CPAP: variants seen among roughly 807,000 people sequenced by gnomAD.
The protein encoded by CPAP is centrosome assembly and centriole elongation protein.
At chr13:24,906,921 G>A in the CPAP span, 1 of 1,613,996 alleles carries the variant, frequency 6.2e-7, no homozygotes, top group South Asian at 1.1e-5. Flanking sequence ...AAAAATGGTT[G>A]TTTTGGTTTT....
the CPAP span, chr13:24,905,869 CCTCT>C: frequency 1.2e-6 from 2 of 1,614,128 alleles, no homozygotes; most frequent in Non-Finnish European, 1.7e-6. Flanking sequence ...TGCTGATGCC[CCTCT>C]CTCTATCCTC....
chr13:24,883,380 T>TA, the CPAP span: 94 of 1,563,916 alleles, frequency 6.0e-5, no homozygotes, highest in East Asian at 6.1e-4. Context: ...CTGTAAAATT[T>TA]AAAAAAAATA....
chr13:24,928,259 T>C, the CPAP span, among the ~76,000 whole-genome samples: 1 of 152,078 alleles, frequency 6.6e-6, no homozygotes, highest in Non-Finnish European at 1.5e-5. Flanking sequence ...ACCTGGCAGA[T>C]CCCCAAGCCC....
chr13:24,912,741 G>A, the CPAP span: 1 of 1,614,122 alleles, frequency 6.2e-7, no homozygotes, highest in Non-Finnish European at 8.5e-7. Flanking sequence ...AGGCTGTATG[G>A]GTTTCAGATT....
chr13:24,900,278 C>T, the CPAP span, among the ~76,000 whole-genome samples: 1 of 152,114 alleles, frequency 6.6e-6, no homozygotes, highest in Non-Finnish European at 1.5e-5. Flanking sequence ...AAAGAACAGC[C>T]AGGAGGCCAG....
chr13:24,896,365 A>C, the CPAP span, among the ~76,000 whole-genome samples: 1 of 152,260 alleles, frequency 6.6e-6, no homozygotes, highest in Non-Finnish European at 1.5e-5. Flanking sequence ...AGCTGCCAGC[A>C]GTGAGGATGT....
At chr13:24,884,425 CAG>C in the CPAP span, 1 of 1,614,060 alleles carries the variant, frequency 6.2e-7, no homozygotes, top group Non-Finnish European at 8.5e-7. Flanking sequence ...CATTGGGAAA[CAG>C]TATAACACGG....
chr13:24,907,158 G>A, the CPAP span: 1 of 1,613,786 alleles, frequency 6.2e-7, no homozygotes. Flanking sequence ...ATCTTCAAAG[G>A]TCTGTTTCCT....
chr13:24,889,576 TGTGCACACACACGCACGCGC>T, the CPAP span, among the ~76,000 whole-genome samples: 2 of 93,232 alleles, frequency 2.1e-5, no homozygotes, highest in Non-Finnish European at 5.9e-5. Context: ...TCACTGCGCG[TGTGCACACACACGCACGCGC>T]GCCCCTTTTG....
chr13:24,898,824 T>C, the CPAP span, among the ~76,000 whole-genome samples: 2 of 152,228 alleles, frequency 1.3e-5, no homozygotes, highest in African/African-American at 4.8e-5. Flanking sequence ...ATTTTAAATT[T>C]CTCTTTTGAT....
the CPAP span, among the ~76,000 whole-genome samples, chr13:24,891,779 A>G: frequency 6.6e-6 from 1 of 152,228 alleles, no homozygotes; most frequent in African/African-American, 2.4e-5. Context: ...GCCCATGTGC[A>G]TGCTGCCATC....
the CPAP span, among the ~76,000 whole-genome samples, chr13:24,923,213 A>G: frequency 1.3e-5 from 2 of 151,124 alleles, no homozygotes; most frequent in African/African-American, 2.4e-5. Context: ...ATAGAGCCCA[A>G]CCGACGCTTA....
the CPAP span, chr13:24,884,345 T>C: frequency 6.2e-7 from 1 of 1,614,200 alleles, no homozygotes; most frequent in East Asian, 2.2e-5. Flanking sequence ...TGGCATGACC[T>C]GCTTCACGTC....
chr13:24,899,627 A>G, the CPAP span: 10 of 1,532,328 alleles, frequency 6.5e-6, no homozygotes, highest in South Asian at 1.1e-4. Flanking sequence ...AGACCATCTC[A>G]GTGCAGTGAT....
At chr13:24,887,592 G>C in the CPAP span, among the ~76,000 whole-genome samples, 2 of 152,110 alleles carry the variant, frequency 1.3e-5, no homozygotes, top group Non-Finnish European at 2.9e-5. Flanking sequence ...CCATCTAATT[G>C]CAGGAAAACA....
chr13:24,906,428 GC>G, the CPAP span: 1 of 1,613,786 alleles, frequency 6.2e-7, no homozygotes, highest in African/African-American at 1.3e-5. Flanking sequence ...GCTCTTAGCA[GC>G]CAGCCGGCTG....
the CPAP span, among the ~76,000 whole-genome samples, chr13:24,932,278 C>T: frequency 2.6e-5 from 4 of 152,212 alleles, no homozygotes; most frequent in Non-Finnish European, 5.9e-5. Context: ...GGACAAATAC[C>T]AGCCTGGGCA....
At chr13:24,912,029 C>T in the CPAP span, 1 of 1,613,878 alleles carries the variant, frequency 6.2e-7, no homozygotes, top group Non-Finnish European at 8.5e-7. Context: ...CAACTGTTGC[C>T]TCTTCAATTG....
the CPAP span, among the ~76,000 whole-genome samples, chr13:24,895,066 A>G: frequency 6.6e-6 from 1 of 152,238 alleles, no homozygotes; most frequent in African/African-American, 2.4e-5. Context: ...GCTCAGGCAG[A>G]GGCGGCTGCC....
Sources: gnomAD v4.1 joint callset for allele counts (sites outside exome capture counted in the v4.1 genomes callset) on GRCh38, gnomAD v4.1.1 for gene constraint, MANE v1.5 for transcripts, NCBI Gene and HGNC (gene_info 2026-07-23, HGNC 2026-07-21) for gene names.